The following ZNF726 variants were observed in gnomAD, a reference collection of about 807,000 sequenced individuals.
ZNF726 encodes the protein zinc finger protein 726.
Under a neutral mutation model 11.6 loss-of-function variants are expected in ZNF726, and 15 were observed. That is an observed-to-expected ratio of 1.29 (90% confidence interval 0.86 to 1.99). ZNF726 has a LOEUF of 1.99. Ranked by LOEUF, ZNF726 falls within the 30% of genes most tolerant of loss-of-function variation. The pLI, the probability that ZNF726 is intolerant of heterozygous loss-of-function variation, is 0.00. For synonymous variants in ZNF726, 295 were observed against 243.6 expected (o/e 1.21, Z -1.96); for missense variants, 890 against 725.6 (o/e 1.23, Z -2.60).
At chr19:23,921,645 AAAT>A (rs1967854494) in intron 3 of ZNF726, 1 of 152,152 alleles carries the variant, frequency 6.6e-6, no homozygotes. Flanking sequence ...TTGCTATTGT[AAAT>A]AATGTTTTTT....
intron 3 of ZNF726, among the ~76,000 whole-genome samples, chr19:23,943,038 G>A (rs1037496178): frequency 1.3e-5 from 2 of 152,032 alleles, no homozygotes; most frequent in Non-Finnish European, 1.5e-5. Context: ...GGGAAGGTGA[G>A]GGGAATGGAG....
chr19:23,921,761 T>G (rs1967858088), intron 3 of ZNF726, among the ~76,000 whole-genome samples: 2 of 152,234 alleles, frequency 1.3e-5, no homozygotes, highest in African/African-American at 4.8e-5. Context: ...TTAATTAGTT[T>G]AAAGAGGTTT....
At chr19:23,920,207 T>A (rs556874904) in intron 3 of ZNF726, 125 bp downstream of exon 3, 20 of 535,600 alleles carry the variant, frequency 3.7e-5, no homozygotes, top group Middle Eastern at 3.1e-4. Context: ...GCCTGAAATT[T>A]AAAAAAAAAT....
intron 3 of ZNF726, among the ~76,000 whole-genome samples, chr19:23,942,932 G>A (rs1044607993): frequency 2.0e-5 from 3 of 152,104 alleles, no homozygotes; most frequent in African/African-American, 4.8e-5. Context: ...GGAGCATTTA[G>A]GCCATTTCCA....
chr19:23,933,659 G>T lies in ZNF726; in HGVS notation c.1543G>T (p.Gly515Cys). The T allele has an allele frequency of 6.2e-7, 1 of 1,610,512 alleles. No individual in the cohort carries two copies. Among genetic ancestry groups the T allele is most frequent in the African/African-American group, 1.3e-5 (1 of 74,340 alleles). Residue 515 changes from glycine to cysteine, a missense_variant, in exon 4 of 4, where the codon GGC (glycine) becomes TGC (cysteine). Gly to Cys is a radical substitution (Grantham distance 159). Transcript: ENST00000594466. ...GEKPYKCEECGKAFILSSTLS... is the reference protein window; with the variant it reads ...GEKPYKCEECCKAFILSSTLS... Reference sequence around the variant, plus strand: ...GAAACCCTACAAATGTGAAGAATGTGGCAAAGCATTTATATTGTCCTCGAC... The same window carrying T: ...GAAACCCTACAAATGTGAAGAATGTTGCAAAGCATTTATATTGTCCTCGAC...
downstream of ZNF726, among the ~76,000 whole-genome samples, chr19:23,934,890 GA>G (rs1182247504): frequency 3.3e-5 from 5 of 152,216 alleles, no homozygotes; most frequent in African/African-American, 9.6e-5. Flanking sequence ...TTCTGGCAGG[GA>G]AAAGATACCT....
chr19:23,942,181 A>G (rs1968349096), intron 3 of ZNF726, among the ~76,000 whole-genome samples: 1 of 152,162 alleles, frequency 6.6e-6, no homozygotes. Context: ...TTCAGTTTGA[A>G]GAATTTTTAT....
In ZNF726 at chr19:23,919,345, AATATGTGT is replaced by A. The variant is rs765886397; in HGVS notation, c.4-27_4-20del. ...AAATTCTGCCCATAGCCACTTTGTA[AATATGTGT>A]GTTTGTGTGTATTTTCCAGGGACTG... On this transcript the variant is annotated intron_variant, in intron 1 of 3. Transcript: ENST00000594466. 74 of 1,595,076 alleles carry A rather than the reference AATATGTGT, an allele frequency of 4.6e-5. No homozygotes were observed. The highest frequency in any genetic ancestry group is 6.2e-5 in the Non-Finnish European group (72 of 1,168,896).
At chr19:23,936,989 G>A (rs975798171), downstream of ZNF726, among the ~76,000 whole-genome samples, 1 of 152,024 alleles carries the variant, frequency 6.6e-6, no homozygotes, top group African/African-American at 2.4e-5. Flanking sequence ...TCCCAGACGG[G>A]GTGGTGGCCG....
At position 23,919,403 on chromosome 19, in the gene ZNF726, G is replaced by T. The variant is rs1967785106; in HGVS notation, c.34G>T (p.Glu12Ter). 1.2e-6 allele frequency: 2 copies of T among 1,607,700 alleles called. No individual in the cohort carries two copies. The highest frequency in any genetic ancestry group is 8.5e-7 in the Non-Finnish European group (1 of 1,176,154). ...GTTGACATTTAGGGATGTGGCCATA[G>T]AATTCTCTCTGGAGGAGTGGCAGTG... is the stretch of plus-strand genomic sequence containing the variant. ...GLLTFRDVAIEFSLEEWQCLD... is the reference protein window; with the variant it reads ...GLLTFRDVAI Residue 12 changes from glutamate to a stop codon, truncating the protein, a stop_gained, in exon 2 of 4, where the codon GAA (glutamate) becomes TAA (stop). Coordinates refer to ENST00000594466, the MANE Select transcript of ZNF726 (RefSeq NM_001244038.2). LOFTEE classifies it high-confidence loss of function.
At position 23,914,982 on chromosome 19, in the gene ZNF726, T is replaced by C; in HGVS notation, c.-13T>C. 1.2e-6 allele frequency: 2 copies of C among 1,613,190 alleles called. No individual in the cohort carries two copies. The highest frequency in any genetic ancestry group is 1.7e-6 in the Non-Finnish European group (2 of 1,179,606). ...CTCTGTGGCCCTGTGACCTGCCCCC[T>C]GGAAGCCTAGAAATGGTGAGAGTGC... On this transcript the variant is annotated 5_prime_UTR_variant, in exon 1 of 4. Transcript: ENST00000594466.
chr19:23,931,971 G>C (rs1968115822), intron 3 of ZNF726, among the ~76,000 whole-genome samples: 1 of 152,200 alleles, frequency 6.6e-6, no homozygotes. Context: ...GAATGTGCCA[G>C]TATTTTACCT....
At position 23,923,655 on chromosome 19, in the gene ZNF726, C is replaced by T. The variant is rs911635808; in HGVS notation, c.226+3573C>T. ...TCTCGTGATCTGCCCGCCTCGGCCT[C>T]CCAAAGTGCTGGGATTACAGATGCC... On this transcript the variant is annotated intron_variant, in intron 3 of 3. Coordinates refer to ENST00000594466, the MANE Select transcript of ZNF726 (RefSeq NM_001244038.2). The T allele has an allele frequency of 6.5e-5, 11 of 169,450 alleles. No homozygotes were observed. The East Asian group carries it at 2.0e-3, about 31-fold the overall frequency. 10.5% of individuals were successfully genotyped at this position (169,450 alleles called of 1,614,324 possible).
chr19:23,932,380 G>T lies in ZNF726; in HGVS notation c.264G>T (p.Glu88Asp). ...ATTTTGCTCAAGACATTTGGCCAGAGCAGGGCGTGGAAGATTCTTTTCAAA... is the reference window on the plus strand; with the variant it reads ...ATTTTGCTCAAGACATTTGGCCAGATCAGGGCGTGGAAGATTCTTTTCAAA... Reference protein sequence around the residue: ...CPHFAQDIWPEQGVEDSFQKV... With the variant: ...CPHFAQDIWPDQGVEDSFQKV... The change falls in exon 4 of 4, where the codon GAG (glutamate) becomes GAT (aspartate). Residue 88 changes from glutamate (E) to aspartate (D), a missense_variant. By Grantham distance (45) the Glu-to-Asp change is conservative. Transcript: ENST00000594466. 6.7e-7 allele frequency: 1 copy of T among 1,483,916 alleles called. No individual in the cohort carries two copies. Among genetic ancestry groups the T allele is most frequent in the South Asian group, 1.6e-5 (1 of 63,514 alleles). 91.9% of individuals were successfully genotyped at this position (1,483,916 alleles called of 1,614,324 possible). A position where few individuals can be genotyped will look rare whatever the true frequency, so the allele number is the denominator to read the frequency against.
chr19:23,915,877 C>T (rs891468172), intron 1 of ZNF726, among the ~76,000 whole-genome samples: 40 of 152,218 alleles, frequency 2.6e-4, no homozygotes, highest in African/African-American at 7.5e-4. Flanking sequence ...CCACTGCCCC[C>T]GTCCTAGTTC....
rs1485343962 is a variant in ZNF726, at chr19:23,915,192, T to C, written c.3+195T>C. Among the ~76,000 whole-genome samples the C allele has an allele frequency of 3.3e-5, 5 of 152,126 alleles. No individual in the cohort carries two copies. The East Asian group carries it at 7.7e-4, about 24-fold the overall frequency. On this transcript the variant is annotated intron_variant, in intron 1 of 3. Coordinates refer to ENST00000594466, the MANE Select transcript of ZNF726 (RefSeq NM_001244038.2). ...GACAGCCGGGCTCCCGGGCGTTCTG[T>C]CTCTTCACTGCGCAGTGACTGTGCC...
rs370726275 is a variant in ZNF726 at position 23,933,528 on chromosome 19, A to G, written c.1412A>G (p.His471Arg). The G allele has an allele frequency of 1.1e-5, 18 of 1,612,834 alleles. No individual in the cohort carries two copies. Among genetic ancestry groups the G allele is most frequent in the Non-Finnish European group, 1.5e-5 (18 of 1,180,002 alleles). The change falls in exon 4 of 4, where the codon CAT becomes CGT. Residue 471 changes from histidine (H) to arginine (R), a missense_variant. Physicochemically the swap from His to Arg is conservative, Grantham distance 29. Transcript: ENST00000594466. ...AFSRSSALTTHKRMHTGEKPY... is the reference protein window; with the variant it reads ...AFSRSSALTTRKRMHTGEKPY... ...AGCCGATCCTCAGCCCTAACTACAC[A>G]TAAGAGGATGCACACTGGAGAGAAA...
In ZNF726 at chr19:23,919,976, T is replaced by A; in HGVS notation, c.131-11T>A. The A allele has an allele frequency of 1.3e-6, 2 of 1,548,570 alleles. No individual in the cohort carries two copies. The highest frequency in any genetic ancestry group is 1.8e-6 in the Non-Finnish European group (2 of 1,138,592). On this transcript the variant is annotated splice_polypyrimidine_tract_variant and intron_variant, in intron 2 of 3. Transcript: ENST00000594466. The stretch of plus-strand genomic sequence containing the variant: ...GAGCAAGATTCATGTTAATTATTTT[T>A]AATAAAACAGGTATTGCTGTCTCTA...
chr19:23,941,273 T>C (rs1968334262), intron 3 of ZNF726, among the ~76,000 whole-genome samples: 1 of 152,180 alleles, frequency 6.6e-6, no homozygotes, highest in Non-Finnish European at 1.5e-5. Context: ...TTATGTGGTG[T>C]ATCACATTTG....
Sources: allele counts gnomAD v4.1 joint callset (sites outside exome capture counted in the v4.1 genomes callset), GRCh38; gene constraint gnomAD v4.1.1; transcripts MANE v1.5; gene names NCBI Gene and HGNC (gene_info 2026-07-23, HGNC 2026-07-21).